UBE2H: variants seen among roughly 807,000 people sequenced by gnomAD.
UBE2H encodes ubiquitin-conjugating enzyme E2 H.
A neutral mutation model predicts 29.0 loss-of-function variants in UBE2H; 3 were observed. That is an observed-to-expected ratio of 0.10 (90% confidence interval 0.05 to 0.27). The LOEUF is 0.27. Ranked by LOEUF, UBE2H falls within the 10% of genes least tolerant of loss-of-function variation. The pLI is 1.00. For synonymous variants in UBE2H, 69 were observed against 82.9 expected (o/e 0.83, Z 0.91); for missense variants, 68 against 228.2 (o/e 0.30, Z 4.52).
chr7:129,856,473 A>C (rs903982401), intron 5 of UBE2H, among the ~76,000 whole-genome samples: 1 of 152,218 alleles, frequency 6.6e-6, no homozygotes, highest in Non-Finnish European at 1.5e-5. Context: ...GCACAAAAAA[A>C]TAGGCATAAA....
intron 3 of UBE2H, among the ~76,000 whole-genome samples, chr7:129,862,994 C>T (rs768172245): frequency 2.4e-4 from 37 of 152,184 alleles, no homozygotes; most frequent in African/African-American, 7.5e-4. Context: ...TATGCTTCAA[C>T]GATCTGAGGC....
At chr7:129,889,893 CAG>C (rs909149410) in intron 1 of UBE2H, among the ~76,000 whole-genome samples, 2 of 152,040 alleles carry the variant, frequency 1.3e-5, no homozygotes, top group Non-Finnish European at 2.9e-5. Flanking sequence ...GGAAGGCTGA[CAG>C]GGGAGGATCA....
intron 5 of UBE2H, among the ~76,000 whole-genome samples, chr7:129,847,834 G>A (rs1351995003): frequency 6.6e-6 from 1 of 151,538 alleles, no homozygotes; most frequent in East Asian, 1.9e-4. Context: ...CTAACGCCCT[G>A]GCTCTCAGGC....
chr7:129,910,049 T>A (rs1273871275), intron 1 of UBE2H, among the ~76,000 whole-genome samples: 2 of 151,706 alleles, frequency 1.3e-5, no homozygotes, highest in African/African-American at 2.4e-5. Context: ...AAACAAAAGT[T>A]GCCAGGCACG....
chr7:129,943,576 T>G (rs1037642323), intron 1 of UBE2H, among the ~76,000 whole-genome samples: 1 of 151,936 alleles, frequency 6.6e-6, no homozygotes, highest in African/African-American at 2.4e-5. Context: ...ACAGCCAGAC[T>G]CCGTCTAAAA....
intron 3 of UBE2H, 27 bp downstream of exon 3, chr7:129,879,541 A>G (rs772740359): frequency 1.3e-6 from 2 of 1,598,692 alleles, no homozygotes; most frequent in Admixed American, 3.4e-5. Flanking sequence ...AAAACTCTCT[A>G]AGGAGAAAAA....
At chr7:129,943,986 T>A (rs1476953584) in intron 1 of UBE2H, among the ~76,000 whole-genome samples, 3 of 152,198 alleles carry the variant, frequency 2.0e-5, no homozygotes, top group Non-Finnish European at 2.9e-5. Context: ...ACAAAATTCA[T>A]ATACTATAAA....
At chr7:129,842,997 ATTTTTT>A (rs1214247554) in intron 5 of UBE2H, among the ~76,000 whole-genome samples, 1 of 139,564 alleles carries the variant, frequency 7.2e-6, no homozygotes, top group African/African-American at 2.7e-5. Context: ...ATTAACAGTA[ATTTTTT>A]TTTTTTTTTT....
At chr7:129,841,116 A>T (rs989415766) in intron 5 of UBE2H, among the ~76,000 whole-genome samples, 5 of 152,244 alleles carry the variant, frequency 3.3e-5, no homozygotes, top group African/African-American at 1.2e-4. Flanking sequence ...TCTAGATAAA[A>T]GCGGTAGGCA....
At chr7:129,903,254 T>C (rs1806752815) in intron 1 of UBE2H, among the ~76,000 whole-genome samples, 1 of 152,216 alleles carries the variant, frequency 6.6e-6, no homozygotes, top group South Asian at 2.1e-4. Flanking sequence ...GATAAGGATG[T>C]GGCATTAAAT....
intron 3 of UBE2H, among the ~76,000 whole-genome samples, chr7:129,868,581 C>T (rs1377160378): frequency 2.0e-5 from 2 of 97,690 alleles, no homozygotes; most frequent in East Asian, 2.4e-4. Context: ...AGCGAGACTC[C>T]GTCTCAAAAA....
intron 1 of UBE2H, among the ~76,000 whole-genome samples, chr7:129,930,571 C>T (rs1807368654): frequency 6.6e-6 from 1 of 151,974 alleles, no homozygotes; most frequent in South Asian, 2.1e-4. Context: ...GTGTTCAAGA[C>T]CAGCCTGGCC....
At chr7:129,884,638 G>GC (rs1806323470) in intron 1 of UBE2H, among the ~76,000 whole-genome samples, 2 of 149,682 alleles carry the variant, frequency 1.3e-5, no homozygotes, top group Admixed American at 1.3e-4. Context: ...TGTCATTCAG[G>GC]CTACAGTGCA....
intron 3 of UBE2H, among the ~76,000 whole-genome samples, chr7:129,860,358 T>C (rs1052629220): frequency 6.6e-6 from 1 of 152,240 alleles, no homozygotes; most frequent in Admixed American, 6.5e-5. Context: ...TTGTGTCCAA[T>C]ATTAATTTTT....
chr7:129,881,876 G>A (rs968540492), intron 1 of UBE2H, among the ~76,000 whole-genome samples: 1 of 152,034 alleles, frequency 6.6e-6, no homozygotes, highest in Non-Finnish European at 1.5e-5. Flanking sequence ...TGTCTCCTTG[G>A]CTTATGGAAT....
rs367930226 is a variant in UBE2H at position 129,864,556 on chromosome 7, C to CTTTTTTTTTT, written c.206-5625_206-5616dup. Among the ~76,000 whole-genome samples, 5 of 130,974 alleles carry CTTTTTTTTTT rather than the reference C, an allele frequency of 3.8e-5. 1 individual carries two copies. Among genetic ancestry groups the CTTTTTTTTTT allele is most frequent in the Non-Finnish European group, 3.1e-5 (2 of 63,976 alleles). 85.9% of individuals were successfully genotyped at this position (130,974 alleles called of 152,430 possible). On this transcript the variant is annotated intron_variant, in intron 3 of 6. Transcript: ENST00000355621. ...CAGGCATTTTCTTTTTCTTTTCTTT[C>CTTTTTTTTTT]TTTTTTTTTTTTTTTGAGACAGAAT...
chr7:129,855,619 C>T lies in UBE2H; in HGVS notation c.298+1892G>A, dbSNP rs541295380. On this transcript the variant is annotated intron_variant, in intron 5 of 6. Coordinates refer to ENST00000355621, the MANE Select transcript of UBE2H (RefSeq NM_003344.4). ...CCAGGCACTGTTACAGTCACGTGTGCGTGTGCGTGTGTATAGAGAGAGAGA... is the reference window on the plus strand; with the variant it reads ...CCAGGCACTGTTACAGTCACGTGTGTGTGTGCGTGTGTATAGAGAGAGAGA... 8.0e-5 allele frequency among the ~76,000 whole-genome samples: 12 copies of T among 149,850 alleles called. No individual in the cohort carries two copies. The South Asian group carries it at 8.3e-4, about 10-fold the overall frequency.
At chr7:129,879,452 A>C (rs1806211367) in intron 3 of UBE2H, 116 bp downstream of exon 3, 1 of 1,013,994 alleles carries the variant, frequency 9.9e-7, no homozygotes, top group Non-Finnish European at 1.5e-6. Context: ...AAAGCCAAAA[A>C]AGGAAAAATT....
At chr7:129,894,992 G>C (rs552376280) in intron 1 of UBE2H, among the ~76,000 whole-genome samples, 1 of 152,274 alleles carries the variant, frequency 6.6e-6, no homozygotes, top group Admixed American at 6.5e-5. Flanking sequence ...AGTCCACAAT[G>C]AAATTCCAAA....
Sources: allele counts gnomAD v4.1 joint callset (sites outside exome capture counted in the v4.1 genomes callset), GRCh38; gene constraint gnomAD v4.1.1; transcripts MANE v1.5; gene names NCBI Gene and HGNC (gene_info 2026-07-23, HGNC 2026-07-21).